The following EPHB2 variants were observed in gnomAD, a reference collection of about 807,000 sequenced individuals.
EPHB2 encodes EPH receptor B2, also known as ephrin type-B receptor 2.
In EPHB2, 18 loss-of-function variants were observed where a neutral mutation model predicts 96.4. The observed-to-expected ratio is 0.19, with a 90% CI of 0.13 to 0.28. The LOEUF (loss-of-function observed/expected upper bound fraction) is 0.28. EPHB2 is among the 10% of genes least tolerant of loss of function. The probability of loss-of-function intolerance (pLI) is 1.00; values close to 1 mark genes in which losing one functional copy is unlikely to be tolerated. For missense variants in EPHB2, 989 were observed against 1,355.4 expected, an observed-to-expected ratio of 0.73 and a Z score of 4.25; for synonymous variants, 506 against 534.1, an observed-to-expected ratio of 0.95 and a Z score of 0.72.
At chr1:22,807,096 CCACT>C in intron 3 of EPHB2, among the ~76,000 whole-genome samples, 1 of 152,348 alleles carries the variant, frequency 6.6e-6, no homozygotes, top group Non-Finnish European at 1.5e-5. Flanking sequence ...CGAGGAACAG[CCACT>C]TGGGGCACCT....
chr1:22,756,011 T>G (rs1277052417), intron 1 of EPHB2, among the ~76,000 whole-genome samples: 1 of 152,118 alleles, frequency 6.6e-6, no homozygotes, highest in East Asian at 1.9e-4. Flanking sequence ...GCAGCCACAT[T>G]CTGACCCTGG....
At chr1:22,796,303 T>C (rs1273170752) in intron 3 of EPHB2, among the ~76,000 whole-genome samples, 3 of 152,120 alleles carry the variant, frequency 2.0e-5, no homozygotes, top group Non-Finnish European at 4.4e-5. Flanking sequence ...GGGGTTATCC[T>C]GCGGGGTGGG....
At chr1:22,904,064 G>T (rs1639831545) in intron 9 of EPHB2, among the ~76,000 whole-genome samples, 1 of 152,214 alleles carries the variant, frequency 6.6e-6, no homozygotes, top group South Asian at 2.1e-4. Context: ...GAGGCAAGTG[G>T]ATCATTTGAG....
intron 1 of EPHB2, among the ~76,000 whole-genome samples, chr1:22,720,667 C>CCCA (rs1553157989): frequency 1.8e-5 from 2 of 108,358 alleles, no homozygotes; most frequent in African/African-American, 3.2e-5. Context: ...CATTCCCCCC[C>CCCA]CCCCCCGCCC....
At chr1:22,851,316 G>A (rs1401784539) in intron 3 of EPHB2, among the ~76,000 whole-genome samples, 2 of 152,212 alleles carry the variant, frequency 1.3e-5, no homozygotes, top group African/African-American at 4.8e-5. Flanking sequence ...TTTACTCCAA[G>A]TGAGATGGAA....
At chr1:22,852,073 G>A (rs2148510195) in intron 3 of EPHB2, among the ~76,000 whole-genome samples, 1 of 152,338 alleles carries the variant, frequency 6.6e-6, no homozygotes, top group Non-Finnish European at 1.5e-5. Context: ...CCTCGTCTGT[G>A]AAACAGAGAT....
At chr1:22,799,996 G>C (rs1207329065) in intron 3 of EPHB2, among the ~76,000 whole-genome samples, 2 of 152,220 alleles carry the variant, frequency 1.3e-5, no homozygotes, top group African/African-American at 4.8e-5. Context: ...TCACTGGCGT[G>C]TCTGTGCTGC....
chr1:22,844,067 T>A (rs1259576866), intron 3 of EPHB2, among the ~76,000 whole-genome samples: 1 of 152,196 alleles, frequency 6.6e-6, no homozygotes, highest in Non-Finnish European at 1.5e-5. Flanking sequence ...TTTAGGTTGA[T>A]CCCATGGCTT....
At position 22,839,112 on chromosome 1, in the gene EPHB2, A is replaced by C. The variant is rs376290913; in HGVS notation, c.812-23925A>C. Among the ~76,000 whole-genome samples, 7 of 152,326 alleles carry C rather than the reference A, an allele frequency of 4.6e-5. No homozygotes were observed. The East Asian group carries it at 1.2e-3, about 25-fold the overall frequency. On this transcript the variant is annotated intron_variant, in intron 3 of 15. Transcript: ENST00000374630. Reference sequence around the variant, plus strand: ...TTTCCCAGGATATCAGAAATGAGGAACACCTGTTGCCACTTCTCTGCTGAA... The same window carrying C: ...TTTCCCAGGATATCAGAAATGAGGACCACCTGTTGCCACTTCTCTGCTGAA...
intron 1 of EPHB2, among the ~76,000 whole-genome samples, chr1:22,727,516 C>T (rs1408677593): frequency 6.6e-6 from 1 of 152,176 alleles, no homozygotes; most frequent in African/African-American, 2.4e-5. Context: ...GCCTGGACAA[C>T]CCAAGCAGCA....
rs558547419 is a variant in EPHB2 at position 22,858,605 on chromosome 1, G to A, written c.812-4432G>A. Among the ~76,000 whole-genome samples, 22 of 152,272 alleles carry A rather than the reference G, an allele frequency of 1.4e-4. No individual in the cohort carries two copies. Among genetic ancestry groups the A allele is most frequent in the East Asian group, 9.6e-4 (5 of 5,188 alleles). On this transcript the variant is annotated intron_variant, in intron 3 of 15. Coordinates refer to ENST00000374630, the MANE Select transcript of EPHB2 (RefSeq NM_017449.5). This position sits in a 1 kb window ranked among gnomAD's most constrained non-coding sequence, Gnocchi z 7.7. ...CATTGTCTTCTTCCCACTTCTGCAC[G>A]TGACATGCAGGTGCCAGCAGGACAG...
intron 1 of EPHB2, among the ~76,000 whole-genome samples, chr1:22,729,241 G>A (rs1643650965): frequency 6.6e-6 from 1 of 152,166 alleles, no homozygotes; most frequent in Admixed American, 6.5e-5. Context: ...GAGGGGTGTG[G>A]ACATTCTCAC....
intron 1 of EPHB2, chr1:22,774,611 C>A (rs750855470): frequency 2.0e-6 from 2 of 985,246 alleles, no homozygotes; most frequent in Non-Finnish European, 2.4e-6. Context: ...TGGCTGGATA[C>A]GAGAGACACG....
chr1:22,919,327 A>T lies in EPHB2; in HGVS notation c.*5757A>T, dbSNP rs1282509628. The stretch of plus-strand genomic sequence containing the variant: ...AGCTGACCCTCAGGAATGTGCCCAG[A>T]CAGAGCTAAGCTTTCAGGAAAATTA... On this transcript the variant is annotated 3_prime_UTR_variant, in exon 16 of 16. Transcript: ENST00000374630. The T allele has an allele frequency of 6.6e-6, 1 of 152,272 alleles. No homozygotes were observed. The highest frequency in any genetic ancestry group is 1.5e-5 in the Non-Finnish European group (1 of 68,066). 9.4% of individuals were successfully genotyped at this position (152,272 alleles called of 1,614,324 possible).
chr1:22,770,287 G>A (rs1022602494), intron 1 of EPHB2, among the ~76,000 whole-genome samples: 2 of 152,140 alleles, frequency 1.3e-5, no homozygotes, highest in African/African-American at 2.4e-5. Context: ...ATGAGTGGGC[G>A]TATGGGTCAA....
rs1365133140 is a variant in EPHB2, at chr1:22,912,480, C to A, written c.2733C>A (p.Asp911Glu). The A allele has an allele frequency of 1.2e-5, 19 of 1,614,056 alleles. No homozygotes were observed. The highest frequency in any genetic ancestry group is 1.5e-5 in the Non-Finnish European group (18 of 1,180,050). ...NLPLLDRTIP[D>E]YTSFNTVDEW... ...CGCTGCTGGACCGCACGATCCCCGA[C>A]TACACCAGCTTTAACACGGTGGACG... Residue 911 changes from aspartate (D) to glutamate (E), a missense_variant, in exon 15 of 16, where the codon GAC (aspartate) becomes GAA (glutamate). Transcript: ENST00000374630.
At chr1:22,840,730 G>A (rs1041120108) in intron 3 of EPHB2, among the ~76,000 whole-genome samples, 1 of 152,122 alleles carries the variant, frequency 6.6e-6, no homozygotes, top group Admixed American at 6.6e-5. Flanking sequence ...CGAAGTGCTG[G>A]GATTACACAC....
At chr1:22,735,599 T>G (rs2148357552) in intron 1 of EPHB2, among the ~76,000 whole-genome samples, 1 of 152,284 alleles carries the variant, frequency 6.6e-6, no homozygotes, top group South Asian at 2.1e-4. Flanking sequence ...ACCTCTGAAC[T>G]CCCAGCAGGG....
chr1:22,779,993 A>C (rs77249861), intron 1 of EPHB2, among the ~76,000 whole-genome samples: 1 of 151,908 alleles, frequency 6.6e-6, no homozygotes, highest in Non-Finnish European at 1.5e-5. Context: ...TTATATTCAC[A>C]CCTCATCTCC....
Sources: gnomAD v4.1 joint callset for allele counts (sites outside exome capture counted in the v4.1 genomes callset) on GRCh38, gnomAD v4.1.1 for gene constraint, Gnocchi (gnomAD v3.1) non-coding constraint, MANE v1.5 for transcripts, NCBI Gene and HGNC (gene_info 2026-07-23, HGNC 2026-07-21) for gene names.